Variants in DOK5 observed in about 807,000 individuals in gnomAD.
The protein encoded by DOK5 is downstream of tyrosine kinase 5.
Under a neutral mutation model 43.3 loss-of-function variants are expected in DOK5, and 27 were observed. The observed-to-expected ratio is 0.62, with a 90% CI of 0.46 to 0.86. DOK5 has a LOEUF of 0.86. Ranked by LOEUF, DOK5 falls within the 40% of genes least tolerant of loss-of-function variation. DOK5 has a pLI of 0.00. For missense variants in DOK5, 373 were observed against 392.9 expected, an observed-to-expected ratio of 0.95 and a Z score of 0.43; for synonymous variants, 146 against 140.1, an observed-to-expected ratio of 1.04 and a Z score of -0.30.
chr20:54,566,671 C>T (rs946504650), intron 2 of DOK5, among the ~76,000 whole-genome samples: 3 of 152,174 alleles, frequency 2.0e-5, no homozygotes, highest in African/African-American at 7.2e-5. Context: ...GGCTGGAGTG[C>T]AGTGGTATGA....
intron 1 of DOK5, among the ~76,000 whole-genome samples, chr20:54,500,671 C>A (rs1982561264): frequency 6.6e-6 from 1 of 150,460 alleles, no homozygotes. Context: ...AAGCGATTCT[C>A]CTGCCTCAGC....
At chr20:54,614,798 G>A (rs1013366263) in intron 6 of DOK5, among the ~76,000 whole-genome samples, 1 of 152,144 alleles carries the variant, frequency 6.6e-6, no homozygotes, top group African/African-American at 2.4e-5. Flanking sequence ...GGAGTTAAAC[G>A]AGGGATTGTG....
chr20:54,484,035 G>A (rs1047936174), intron 1 of DOK5, among the ~76,000 whole-genome samples: 3 of 152,102 alleles, frequency 2.0e-5, no homozygotes, highest in African/African-American at 7.2e-5. Flanking sequence ...GAGAAGTCTG[G>A]TCCTCCCTGC....
chr20:54,515,544 C>T (rs1037806133), intron 1 of DOK5, among the ~76,000 whole-genome samples: 11 of 152,178 alleles, frequency 7.2e-5, no homozygotes, highest in African/African-American at 2.7e-4. Flanking sequence ...TCTGGGAGGA[C>T]ATTTTCTTGT....
At chr20:54,625,133 C>T (rs1452614200) in intron 6 of DOK5, among the ~76,000 whole-genome samples, 2 of 152,122 alleles carry the variant, frequency 1.3e-5, no homozygotes, top group Admixed American at 1.3e-4. Context: ...AATGTCAGAA[C>T]AAAAGAGAGG....
intron 1 of DOK5, among the ~76,000 whole-genome samples, chr20:54,485,452 G>T (rs763619709): frequency 7.2e-5 from 11 of 151,870 alleles, no homozygotes; most frequent in Non-Finnish European, 1.5e-4. Context: ...CCTGAGATTC[G>T]TTCAGGTTGT....
At chr20:54,476,100 C>T in intron 1 of DOK5, 88 bp downstream of exon 1, 2 of 1,577,192 alleles carry the variant, frequency 1.3e-6, no homozygotes, top group Non-Finnish European at 1.7e-6. Flanking sequence ...ACGGAGAGTC[C>T]CCGGCCGCGC....
chr20:54,617,141 G>A (rs901773004), intron 6 of DOK5, among the ~76,000 whole-genome samples: 4 of 152,242 alleles, frequency 2.6e-5, no homozygotes, highest in African/African-American at 9.6e-5. Context: ...AGCTACTTGG[G>A]GTTGTGGGAT....
At chr20:54,486,815 G>C (rs977483181) in intron 1 of DOK5, among the ~76,000 whole-genome samples, 1 of 152,162 alleles carries the variant, frequency 6.6e-6, no homozygotes, top group Non-Finnish European at 1.5e-5. Flanking sequence ...TAGAAACTCA[G>C]TGAGTCATAC....
intron 1 of DOK5, among the ~76,000 whole-genome samples, chr20:54,532,465 T>C (rs1983809744): frequency 6.6e-6 from 1 of 152,134 alleles, no homozygotes; most frequent in South Asian, 2.1e-4. Context: ...AATGGGAAGA[T>C]TGTTCCACAT....
intron 2 of DOK5, among the ~76,000 whole-genome samples, chr20:54,561,489 T>C (rs1017082347): frequency 1.3e-5 from 2 of 152,206 alleles, no homozygotes; most frequent in Non-Finnish European, 2.9e-5. Flanking sequence ...CCCATGATAC[T>C]GGAAAGCTCA....
chr20:54,592,892 G>A (rs16999822), intron 5 of DOK5, among the ~76,000 whole-genome samples: 7,266 of 152,160 alleles, frequency 0.048, 605 homozygotes, highest in African/African-American at 0.17. Flanking sequence ...AAGTTCTTCT[G>A]TATATGGCCT....
At chr20:54,614,356 G>A (rs376074056) in intron 6 of DOK5, among the ~76,000 whole-genome samples, 6 of 152,258 alleles carry the variant, frequency 3.9e-5, no homozygotes, top group African/African-American at 9.6e-5. Context: ...AGGGGAATGC[G>A]AGAGAGAGTG....
intron 2 of DOK5, among the ~76,000 whole-genome samples, chr20:54,573,119 A>G (rs1985344074): frequency 6.6e-6 from 1 of 152,234 alleles, no homozygotes; most frequent in South Asian, 2.1e-4. Flanking sequence ...AGAAAATTAA[A>G]GCAGGAATAG....
chr20:54,524,460 G>A (rs944659232), intron 1 of DOK5, among the ~76,000 whole-genome samples: 1 of 152,150 alleles, frequency 6.6e-6, no homozygotes, highest in African/African-American at 2.4e-5. Flanking sequence ...GGCTCCTCTC[G>A]AATTATCTGA....
At chr20:54,500,547 T>A (rs1386282923) in intron 1 of DOK5, among the ~76,000 whole-genome samples, 2 of 150,744 alleles carry the variant, frequency 1.3e-5, no homozygotes, top group African/African-American at 4.9e-5. Context: ...TACAATGTCA[T>A]ACCCAGTGTA....
chr20:54,621,077 G>A (rs1986961375), intron 6 of DOK5, among the ~76,000 whole-genome samples: 1 of 152,170 alleles, frequency 6.6e-6, no homozygotes, highest in Non-Finnish European at 1.5e-5. Flanking sequence ...TAAAGGAAAT[G>A]AATGGATATG....
chr20:54,641,863 A>T (rs189366303), intron 6 of DOK5, among the ~76,000 whole-genome samples: 2 of 152,294 alleles, frequency 1.3e-5, no homozygotes, highest in East Asian at 1.9e-4. Context: ...AGGATACTTA[A>T]ATAGCCGTCA....
chr20:54,519,490 G>C (rs1983317640), intron 1 of DOK5, among the ~76,000 whole-genome samples: 1 of 152,112 alleles, frequency 6.6e-6, no homozygotes, highest in Admixed American at 6.5e-5. Context: ...GGATGCAAAA[G>C]TTACTATTGC....
Sources: allele counts gnomAD v4.1 joint callset (sites outside exome capture counted in the v4.1 genomes callset), GRCh38; gene constraint gnomAD v4.1.1; transcripts MANE v1.5; gene names NCBI Gene and HGNC (gene_info 2026-07-23, HGNC 2026-07-21).